Variants in TBXAS1 observed in about 807,000 individuals in gnomAD.
TBXAS1 encodes the protein thromboxane A synthase 1.
A neutral mutation model predicts 60.7 loss-of-function variants in TBXAS1; 48 were observed. The observed-to-expected ratio is 0.79, with a 90% CI of 0.63 to 1.01. The LOEUF (loss-of-function observed/expected upper bound fraction) is 1.01, where lower values mean the gene tolerates loss of function less well. Ranked by LOEUF, TBXAS1 falls within the 50% of genes least tolerant of loss-of-function variation. TBXAS1 has a pLI of 0.00. For missense variants in TBXAS1, 685 were observed against 686.3 expected (o/e 1.00, Z 0.02); for synonymous variants, 287 against 269.7 (o/e 1.06, Z -0.63).
At chr7:139,798,269 G>A (rs1157128347) in intron 4 of TBXAS1, among the ~76,000 whole-genome samples, 1 of 152,118 alleles carries the variant, frequency 6.6e-6, no homozygotes, top group African/African-American at 2.4e-5. Flanking sequence ...AAGAAAACAC[G>A]AAAGGGTAGG....
intron 10 of TBXAS1, among the ~76,000 whole-genome samples, chr7:140,011,166 A>ACT: frequency 6.6e-6 from 1 of 152,028 alleles, no homozygotes; most frequent in African/African-American, 2.4e-5. Context: ...AATCCCAGCT[A>ACT]CAAGGGAGGC....
chr7:139,781,686 T>G (rs1283568939), intron 2 of TBXAS1, among the ~76,000 whole-genome samples: 2 of 151,636 alleles, frequency 1.3e-5, no homozygotes, highest in African/African-American at 4.8e-5. Flanking sequence ...ACAAAAAAAA[T>G]TAGCCAGACG....
chr7:139,856,785 C>A (rs559961752), intron 1 of TBXAS1, among the ~76,000 whole-genome samples: 1 of 152,136 alleles, frequency 6.6e-6, no homozygotes, highest in Non-Finnish European at 1.5e-5. Flanking sequence ...ATCCTCCATA[C>A]AATGGCCAGA....
chr7:139,791,173 T>C (rs537000716), intron 4 of TBXAS1, among the ~76,000 whole-genome samples: 1 of 152,350 alleles, frequency 6.6e-6, no homozygotes, highest in East Asian at 1.9e-4. Flanking sequence ...GTGGAAGCCA[T>C]TGCCTCAGTT....
Position 139,821,864 on chromosome 7 carries a change from G to A in TBXAS1, c.-79-7448G>A, listed in dbSNP as rs186585399. ...TGCCAAAGCCAGGAAGGAGGTGGCC[G>A]TAATGACCACATTGCCACTTTCCCT... On this transcript the variant is annotated intron_variant, in intron 4 of 16. Coordinates refer to the TBXAS1 transcript ENST00000336425. Among the ~76,000 whole-genome samples the A allele has an allele frequency of 1.5e-4, 23 of 152,334 alleles. No individual in the cohort carries two copies. In the East Asian group the frequency reaches 1.7e-3, roughly 12 times the overall value.
chr7:139,784,522 G>A (rs184614589), intron 3 of TBXAS1, among the ~76,000 whole-genome samples: 1 of 152,340 alleles, frequency 6.6e-6, no homozygotes, highest in Non-Finnish European at 1.5e-5. Flanking sequence ...GTTTGGGGCA[G>A]GGGAGGTGGC....
intron 1 of TBXAS1, among the ~76,000 whole-genome samples, chr7:139,833,509 CAAAAAAAA>C (rs56291914): frequency 2.6e-3 from 192 of 74,408 alleles, no homozygotes; most frequent in Middle Eastern, 0.01. Flanking sequence ...ACTAAAAATA[CAAAAAAAA>C]AAAAAAAAAA....
intron 9 of TBXAS1, among the ~76,000 whole-genome samples, chr7:139,986,650 C>T (rs560127002): frequency 6.6e-6 from 1 of 150,394 alleles, no homozygotes; most frequent in East Asian, 2.0e-4. Flanking sequence ...TTAGAATAAT[C>T]GTCTCCAGTT....
intron 5 of TBXAS1, among the ~76,000 whole-genome samples, chr7:139,946,639 G>A (rs986920496): frequency 6.6e-6 from 1 of 152,144 alleles, no homozygotes; most frequent in African/African-American, 2.4e-5. Flanking sequence ...AGAAGAGAAT[G>A]ATTCCAGTAG....
At chr7:139,814,254 G>A (rs1798093817) in intron 4 of TBXAS1, among the ~76,000 whole-genome samples, 1 of 152,210 alleles carries the variant, frequency 6.6e-6, no homozygotes, top group African/African-American at 2.4e-5. Flanking sequence ...GGTTTAAAGT[G>A]TGGAGTACAT....
chr7:139,878,960 G>T (rs1411038302), intron 3 of TBXAS1, among the ~76,000 whole-genome samples: 1 of 152,098 alleles, frequency 6.6e-6, no homozygotes, highest in Non-Finnish European at 1.5e-5. Flanking sequence ...GAGAAAAATG[G>T]ACAGGGCAAA....
intron 1 of TBXAS1, among the ~76,000 whole-genome samples, chr7:139,864,692 T>A (rs1801222050): frequency 6.6e-6 from 1 of 152,188 alleles, no homozygotes. Context: ...TGGATCAGAA[T>A]AGATCCAAGC....
At chr7:139,887,023 C>CA (rs1379257461) in intron 3 of TBXAS1, among the ~76,000 whole-genome samples, 12 of 152,254 alleles carry the variant, frequency 7.9e-5, no homozygotes, top group Admixed American at 7.2e-4. Flanking sequence ...CTGCCCTGCT[C>CA]AAAATCCATA....
At chr7:139,790,156 G>A (rs541368880) in intron 4 of TBXAS1, among the ~76,000 whole-genome samples, 1 of 152,240 alleles carries the variant, frequency 6.6e-6, no homozygotes, top group East Asian at 1.9e-4. Flanking sequence ...TGACTACGTG[G>A]GAATCATTCT....
intron 1 of TBXAS1, among the ~76,000 whole-genome samples, chr7:139,869,942 C>G (rs949803409): frequency 1.3e-5 from 2 of 152,116 alleles, no homozygotes; most frequent in African/African-American, 4.8e-5. Context: ...ACAAATGGAA[C>G]CCATGTTGCT....
chr7:140,019,552 G>A (rs552409044), intron 12 of TBXAS1, among the ~76,000 whole-genome samples: 88 of 152,212 alleles, frequency 5.8e-4, no homozygotes, highest in African/African-American at 1.9e-3. Flanking sequence ...CAGGAGACAC[G>A]TACAGCCCCA....
intron 9 of TBXAS1, among the ~76,000 whole-genome samples, chr7:139,969,115 T>G (rs1387338317): frequency 6.6e-6 from 1 of 152,244 alleles, no homozygotes; most frequent in African/African-American, 2.4e-5. Flanking sequence ...ATTTTCCTTC[T>G]GCTTAATTGT....
chr7:139,845,823 G>GTTT lies in TBXAS1; in HGVS notation c.89+16361_89+16363dup, dbSNP rs11330197. Among the ~76,000 whole-genome samples, 96 of 130,208 alleles carry GTTT rather than the reference G, an allele frequency of 7.4e-4. 1 individual carries two copies. The East Asian group carries it at 0.015, about 21-fold the overall frequency. The allele number at this position is 130,208 out of a possible 152,430, so 85.4% of individuals were successfully genotyped here. A position where few individuals can be genotyped will look rare whatever the true frequency, so the allele number is the denominator to read the frequency against. ...CAAAATATCATTAAATTGAACTCTA[G>GTTT]TTTTTTTTTTTTTTTTTTTAGACAG... is the stretch of plus-strand genomic sequence containing the variant. On this transcript the variant is annotated intron_variant, in intron 1 of 12. Coordinates refer to ENST00000448866, the MANE Select transcript of TBXAS1 (RefSeq NM_001061.7).
rs117985015 is a variant in TBXAS1 at position 139,859,615 on chromosome 7, A to C, written c.90-12620A>C. 1.4e-3 allele frequency among the ~76,000 whole-genome samples: 219 copies of C among 152,326 alleles called. 6 individuals carry two copies. The East Asian group carries it at 0.025, about 18-fold the overall frequency. On this transcript the variant is annotated intron_variant, in intron 1 of 12. Coordinates refer to ENST00000448866, the MANE Select transcript of TBXAS1 (RefSeq NM_001061.7). The stretch of plus-strand genomic sequence containing the variant: ...TCAATTTATCTAAAAGAAATTGGGA[A>C]ATAAGTAAATGTACAGGCAACTTGC...
Sources: gnomAD v4.1 joint callset for allele counts (sites outside exome capture counted in the v4.1 genomes callset) on GRCh38, gnomAD v4.1.1 for gene constraint, MANE v1.5 for transcripts, NCBI Gene and HGNC (gene_info 2026-07-23, HGNC 2026-07-21) for gene names.